The following RNU1-1 variants were observed in gnomAD, a reference collection of about 807,000 sequenced individuals.
The protein encoded by RNU1-1 is RNA, U1A small nuclear.
chr1:16,514,264 A>G (rs1214465058), exon 1 of RNU1-1: 26 of 772,248 alleles, frequency 3.4e-5, no homozygotes, highest in Middle Eastern at 6.5e-4. Flanking sequence ...TGATCATGGT[A>G]TCTCCCCTGC....
chr1:16,514,169 CGA>C (rs1179202588), exon 1 of RNU1-1: 1 of 152,358 alleles, frequency 6.6e-6, no homozygotes, highest in Non-Finnish European at 1.5e-5. Flanking sequence ...ATTATGCAGT[CGA>C]GTTTCCCACA....
rs185164943 is a variant in RNU1-1 at position 16,514,262 on chromosome 1, G to A, written n.24C>T. ...TGGGAAAACCACCTTCGTGATCATG[G>A]TATCTCCCCTGCCAGGTAAGTATGA... On this transcript the variant is annotated non_coding_transcript_exon_variant, in exon 1 of 1. Transcript: ENST00000383925. 1,008 of 747,740 alleles carry A rather than the reference G, an allele frequency of 1.3e-3. 9 individuals carry two copies. The African/African-American group carries it at 0.018, about 13-fold the overall frequency. 46.3% of individuals were successfully genotyped at this position (747,740 alleles called of 1,614,324 possible).
At chr1:16,514,208 A>C (rs1192938104) in exon 1 of RNU1-1, 1 of 154,536 alleles carries the variant, frequency 6.5e-6, no homozygotes, top group East Asian at 1.9e-4. Context: ...GGGTCAGCAC[A>C]TCCGGAGTGC....
chr1:16,514,149 A>G (rs1358340268), exon 1 of RNU1-1: 1 of 152,348 alleles, frequency 6.6e-6, no homozygotes, highest in African/African-American at 2.4e-5. Context: ...GCAGTCCCCC[A>G]CTACCACAAA....
chr1:16,514,249 C>T (rs558315165), exon 1 of RNU1-1: 35 of 585,812 alleles, frequency 6.0e-5, no homozygotes, highest in African/African-American at 3.7e-4. Context: ...GGAAAACCAC[C>T]TTCGTGATCA....
Position 16,514,269 on chromosome 1 carries a change from C to G in RNU1-1, n.17G>C, listed in dbSNP as rs550201498. ...ACCACCTTCGTGATCATGGTATCTCCCCTGCCAGGTAAGTATGAAACGTTG... is the reference window on the plus strand; with the variant it reads ...ACCACCTTCGTGATCATGGTATCTCGCCTGCCAGGTAAGTATGAAACGTTG... On this transcript the variant is annotated non_coding_transcript_exon_variant, in exon 1 of 1. Coordinates refer to ENST00000383925, the Ensembl canonical transcript of RNU1-1. 9.5e-6 allele frequency: 8 copies of G among 845,294 alleles called. No homozygotes were observed. The South Asian group carries it at 1.6e-4, about 17-fold the overall frequency. 52.4% of individuals were successfully genotyped at this position (845,294 alleles called of 1,614,324 possible). A position where few individuals can be genotyped will look rare whatever the true frequency, so the allele number is the denominator to read the frequency against.
exon 1 of RNU1-1, chr1:16,514,254 T>G (rs1401015913): frequency 9.1e-5 from 59 of 651,542 alleles, no homozygotes; most frequent in South Asian, 5.5e-4. Context: ...ACCACCTTCG[T>G]GATCATGGTA....
At chr1:16,514,165 C>CT (rs2087492833) in exon 1 of RNU1-1, 1 of 152,466 alleles carries the variant, frequency 6.6e-6, no homozygotes, top group African/African-American at 2.4e-5. Flanking sequence ...ACAAATTATG[C>CT]AGTCGAGTTT....
exon 1 of RNU1-1, chr1:16,514,153 C>T (rs1265686042): frequency 6.6e-6 from 1 of 152,514 alleles, no homozygotes; most frequent in Admixed American, 6.5e-5. Context: ...TCCCCCACTA[C>T]CACAAATTAT....
In RNU1-1 at chr1:16,514,261, G is replaced by A. The variant is rs201479665; in HGVS notation, n.25C>T. ...CTGGGAAAACCACCTTCGTGATCAT[G>A]GTATCTCCCCTGCCAGGTAAGTATG... On this transcript the variant is annotated non_coding_transcript_exon_variant, in exon 1 of 1. Transcript: ENST00000383925. 1.7e-3 allele frequency: 1,233 copies of A among 734,740 alleles called. 34 individuals are homozygous for A. In the East Asian group the frequency reaches 0.1, roughly 59 times the overall value. 45.5% of individuals were successfully genotyped at this position (734,740 alleles called of 1,614,324 possible).
At chr1:16,514,228 G>C (rs1342757913) in exon 1 of RNU1-1, 10 of 188,122 alleles carry the variant, frequency 5.3e-5, no homozygotes, top group Non-Finnish European at 9.9e-5. Context: ...CAATGGATAA[G>C]CCTCGCCCTG....
At chr1:16,514,155 A>G (rs1292549010) in exon 1 of RNU1-1, 1 of 152,408 alleles carries the variant, frequency 6.6e-6, no homozygotes, top group East Asian at 1.9e-4. Flanking sequence ...CCCCACTACC[A>G]CAAATTATGC....
At chr1:16,514,270 C>A in exon 1 of RNU1-1, 5 of 856,706 alleles carry the variant, frequency 5.8e-6, no homozygotes, top group Middle Eastern at 5.9e-4. Flanking sequence ...TGGTATCTCC[C>A]CTGCCAGGTA....
chr1:16,514,225 T>G (rs1402755498), exon 1 of RNU1-1: 4 of 173,946 alleles, frequency 2.3e-5, no homozygotes, highest in South Asian at 1.9e-4. Flanking sequence ...GTGCAATGGA[T>G]AAGCCTCGCC....
exon 1 of RNU1-1, chr1:16,514,142 G>C (rs1351383230): frequency 3.3e-5 from 5 of 152,354 alleles, no homozygotes; most frequent in Admixed American, 2.0e-4. Flanking sequence ...CGCGAACGCA[G>C]TCCCCCACTA....
At chr1:16,514,269 C>A (rs550201498) in exon 1 of RNU1-1, 9 of 845,404 alleles carry the variant, frequency 1.1e-5, no homozygotes, top group Non-Finnish European at 1.3e-5. Context: ...ATGGTATCTC[C>A]CCTGCCAGGT....
chr1:16,514,252 C>G (rs1295957929), exon 1 of RNU1-1: 11 of 615,712 alleles, frequency 1.8e-5, no homozygotes, highest in Non-Finnish European at 6.1e-6. Context: ...AAACCACCTT[C>G]GTGATCATGG....
exon 1 of RNU1-1, chr1:16,514,233 G>C: frequency 4.1e-6 from 1 of 242,450 alleles, no homozygotes; most frequent in Non-Finnish European, 6.6e-6. Flanking sequence ...GATAAGCCTC[G>C]CCCTGGGAAA....
At chr1:16,514,273 G>C (rs1200897414) in exon 1 of RNU1-1, 12 of 888,612 alleles carry the variant, frequency 1.4e-5, no homozygotes, top group Non-Finnish European at 1.6e-5. Context: ...TATCTCCCCT[G>C]CCAGGTAAGT....
Sources: allele counts gnomAD v4.1 joint callset, GRCh38; gene constraint gnomAD v4.1.1; transcripts MANE v1.5; gene names NCBI Gene and HGNC (gene_info 2026-07-23, HGNC 2026-07-21).